ARFGAP2: variants seen among roughly 807,000 people sequenced by gnomAD.
The protein encoded by ARFGAP2 is ARF GTPase activating protein 2.
In ARFGAP2, 45 loss-of-function variants were observed where a neutral mutation model predicts 71.9. The ratio of observed to expected loss-of-function variants is 0.63; its 90% CI spans 0.49 to 0.80. The LOEUF (loss-of-function observed/expected upper bound fraction) is 0.80, where lower values mean the gene tolerates loss of function less well. Ranked by LOEUF, ARFGAP2 falls within the 30% of genes least tolerant of loss-of-function variation. The probability of loss-of-function intolerance (pLI) is 0.00; values close to 1 mark genes in which losing one functional copy is unlikely to be tolerated. For synonymous variants in ARFGAP2, 248 were observed against 249.2 expected, an observed-to-expected ratio of 1.00 and a Z score of 0.05; for missense variants, 633 against 673.9, an observed-to-expected ratio of 0.94 and a Z score of 0.67.
chr11:47,175,021 G>A lies in ARFGAP2; in HGVS notation c.474C>T (p.His158=), dbSNP rs771870829. The A allele has an allele frequency of 6.2e-7, 1 of 1,614,186 alleles. No homozygotes were observed. Among genetic ancestry groups the A allele is most frequent in the South Asian group, 1.1e-5 (1 of 91,086 alleles). ...GTTCCTTGTGGGCACTCACTTGAGT[G>A]TGTTCTGTGAAGAAATCAGAGTCCT... ...EKKDSDFFTE[H]TQPPAWDAPA... The change falls in exon 5 of 16, where the codon CAC becomes CAT. Residue 158 remains histidine (H), a synonymous_variant. Transcript: ENST00000524782.
chr11:47,168,499 G>A, intron 10 of ARFGAP2: 1 of 388,188 alleles, frequency 2.6e-6, no homozygotes, highest in Non-Finnish European at 4.6e-6. Flanking sequence ...CCTGGCCAGT[G>A]ACGGTTTGCC....
Position 47,175,891 on chromosome 11 carries a change from A to C in ARFGAP2, c.224T>G (p.Phe75Cys). The C allele has an allele frequency of 6.2e-7, 1 of 1,614,180 alleles. No individual in the cohort carries two copies. Among genetic ancestry groups the C allele is most frequent in the East Asian group, 2.2e-5 (1 of 44,880 alleles). The stretch of plus-strand genomic sequence containing the variant: ...GCCGACCTGCATACACCTCAGCTGG[A>C]ACCAGTTCCAGTTGGAATCCAACTC... ...STELDSNWNW[F>C]QLRCMQVGGN... The change falls in exon 3 of 16, where the codon TTC (phenylalanine) becomes TGC (cysteine). Residue 75 changes from phenylalanine (F) to cysteine (C), a missense_variant. Coordinates refer to ENST00000524782, the MANE Select transcript of ARFGAP2 (RefSeq NM_032389.6).
chr11:47,166,776 C>T lies in ARFGAP2; in HGVS notation c.1316G>A (p.Arg439Gln), dbSNP rs147349872. ...KAISSDMFFG[R>Q]EVDAEYEARS... Reference sequence around the variant, plus strand: ...CCCACTTACCTCTGCATCCACCTCCCGCCCAAAGAACATGTCAGATGAGAT... The same window carrying T: ...CCCACTTACCTCTGCATCCACCTCCTGCCCAAAGAACATGTCAGATGAGAT... The change falls in exon 13 of 16, where the codon CGG becomes CAG. Residue 439 changes from arginine (R) to glutamine (Q), a missense_variant. Arg to Gln is a conservative substitution (Grantham distance 43, BLOSUM62 1). Coordinates refer to ENST00000524782, the MANE Select transcript of ARFGAP2 (RefSeq NM_032389.6). The T allele has an allele frequency of 7.2e-5, 116 of 1,613,734 alleles. No homozygotes were observed. In the African/African-American group the frequency reaches 1.3e-3, roughly 19 times the overall value.
intron 2 of ARFGAP2, 38 bp downstream of exon 2, chr11:47,176,478 G>A (rs374028256): frequency 1.1e-5 from 18 of 1,587,306 alleles, no homozygotes; most frequent in African/African-American, 2.7e-5. Context: ...ACCCCTGGCC[G>A]GCCGGGTGGA....
At chr11:47,167,787 AAC>A in intron 12 of ARFGAP2, 120 bp downstream of exon 12, 1 of 1,277,190 alleles carries the variant, frequency 7.8e-7, no homozygotes, top group Non-Finnish European at 1.1e-6. Context: ...CATATTAAAC[AAC>A]ACAGAGAACA....
chr11:47,174,498 C>A (rs1952723109), intron 5 of ARFGAP2: 1 of 156,770 alleles, frequency 6.4e-6, no homozygotes, highest in African/African-American at 2.5e-5. Context: ...CGGGTTCACG[C>A]CATTCTCCTG....
At chr11:47,171,933 C>G (rs953737244) in intron 8 of ARFGAP2, 133 bp from the exon 9 acceptor site, 41 of 1,309,612 alleles carry the variant, frequency 3.1e-5, no homozygotes, top group Non-Finnish European at 3.9e-5. Flanking sequence ...GGAGCCCAAC[C>G]AGCATGGCCA....
In ARFGAP2 at chr11:47,167,909, CT is replaced by C; in HGVS notation, c.1204del (p.Arg402GlufsTer109). 1 of 1,603,766 alleles carries C rather than the reference CT, an allele frequency of 6.2e-7. No individual in the cohort carries two copies. Among genetic ancestry groups the C allele is most frequent in the African/African-American group, 1.3e-5 (1 of 74,454 alleles). ...TISSIRPISERATNRREVESR... is the reference protein window; with the variant it reads ...TISSIRPISEXATNRREVESR... ...AAAAAGAAAAAACAGCCCACTCTAC[CT>C]TTCTGAAATAGGCCGGATGCTTGAG... On this transcript the variant is annotated frameshift_variant and splice_region_variant, in exon 12 of 16. Coordinates refer to ENST00000524782, the MANE Select transcript of ARFGAP2 (RefSeq NM_032389.6). LOFTEE classifies it high-confidence loss of function.
intron 12 of ARFGAP2, 133 bp from the exon 13 acceptor site, chr11:47,167,019 G>T: frequency 8.3e-7 from 1 of 1,209,690 alleles, no homozygotes; most frequent in Non-Finnish European, 1.1e-6. Context: ...TGGCTCTGTG[G>T]CTCTGGGCCC....
intron 2 of ARFGAP2, 167 bp downstream of exon 2, chr11:47,176,349 A>G (rs969125702): frequency 1.5e-6 from 1 of 673,404 alleles, no homozygotes; most frequent in Non-Finnish European, 2.6e-6. Flanking sequence ...CATGTGCCAA[A>G]GGGCCCACAC....
chr11:47,165,553 G>A lies in ARFGAP2; in HGVS notation c.1546-51C>T, dbSNP rs1351285321. On this transcript the variant is annotated intron_variant, in intron 15 of 15. Coordinates refer to ENST00000524782, the MANE Select transcript of ARFGAP2 (RefSeq NM_032389.6). ...AAAAAAAAGTCAGAGGCTCTAAGCT[G>A]CAGCAGCTTCCCAGCAAACACACTG... 3 of 1,517,836 alleles carry A rather than the reference G, an allele frequency of 2.0e-6. No homozygotes were observed. The Admixed American group carries it at 6.2e-5, about 31-fold the overall frequency. The allele number at this position is 1,517,836 out of a possible 1,614,324, so 94.0% of individuals were successfully genotyped here.
chr11:47,175,784 A>C, intron 3 of ARFGAP2, 67 bp downstream of exon 3: 2 of 1,581,116 alleles, frequency 1.3e-6, no homozygotes, highest in African/African-American at 1.3e-5. Flanking sequence ...AGGGCCTCTT[A>C]GGGAGTCGTG....
chr11:47,175,890 G>A lies in ARFGAP2; in HGVS notation c.225C>T (p.Phe75=), dbSNP rs771530253. 6 of 1,614,152 alleles carry A rather than the reference G, an allele frequency of 3.7e-6. No individual in the cohort carries two copies. Among genetic ancestry groups the A allele is most frequent in the African/African-American group, 1.3e-5 (1 of 75,048 alleles). The change falls in exon 3 of 16, where the codon TTC becomes TTT. Residue 75 remains phenylalanine (F), a synonymous_variant. Coordinates refer to ENST00000524782, the MANE Select transcript of ARFGAP2 (RefSeq NM_032389.6). The part of the protein sequence containing the change: ...STELDSNWNW[F]QLRCMQVGGN... ...CGCCGACCTGCATACACCTCAGCTG[G>A]AACCAGTTCCAGTTGGAATCCAACT...
At chr11:47,171,931 A>G (rs1371386777) in intron 8 of ARFGAP2, 131 bp from the exon 9 acceptor site, 1 of 1,331,240 alleles carries the variant, frequency 7.5e-7, no homozygotes, top group South Asian at 1.4e-5. Flanking sequence ...CAGGAGCCCA[A>G]CCAGCATGGC....
chr11:47,176,516 C>G lies in ARFGAP2; in HGVS notation c.191G>C (p.Arg64Thr). The G allele has an allele frequency of 6.2e-7, 1 of 1,613,228 alleles. No homozygotes were observed. The highest frequency in any genetic ancestry group is 8.5e-7 in the Non-Finnish European group (1 of 1,179,904). The change falls in exon 2 of 16, where the codon AGG becomes ACG. Residue 64 changes from arginine (R) to threonine (T), a missense_variant and splice_region_variant. Physicochemically the swap from Arg to Thr is moderately conservative, Grantham distance 71 (BLOSUM62 -1). Coordinates refer to ENST00000524782, the MANE Select transcript of ARFGAP2 (RefSeq NM_032389.6). The stretch of plus-strand genomic sequence containing the variant: ...CACGGCAACCGCGCGGAGAGCCTAC[C>G]TGATGAAGCTCAGATGGACGCCCAG... ...RSLGVHLSFI[R>T]STELDSNWNW...
At chr11:47,171,110 T>C (rs1359754996) in intron 10 of ARFGAP2, among the ~76,000 whole-genome samples, 1 of 152,168 alleles carries the variant, frequency 6.6e-6, no homozygotes, top group East Asian at 1.9e-4. Context: ...TGCACCGCAA[T>C]TCTCAGGGAG....
chr11:47,167,352 G>A (rs770432499), intron 12 of ARFGAP2, among the ~76,000 whole-genome samples: 3 of 152,170 alleles, frequency 2.0e-5, no homozygotes, highest in African/African-American at 4.8e-5. Context: ...CTCATCTCAC[G>A]CTGAGTATGT....
rs192953593 is a variant in ARFGAP2 at position 47,167,689 on chromosome 11, G to A, written c.1205+220C>T. Among the ~76,000 whole-genome samples, 181 of 152,180 alleles carry A rather than the reference G, an allele frequency of 1.2e-3. 2 individuals are homozygous for A. The highest frequency in any genetic ancestry group is 9.1e-3 in the Admixed American group (139 of 15,290). The stretch of plus-strand genomic sequence containing the variant: ...GCACCAGCCACTGGTGGCTATTTAC[G>A]TTTATCAGAAATTAAACTACATCAG... On this transcript the variant is annotated intron_variant, in intron 12 of 15. Coordinates refer to ENST00000524782, the MANE Select transcript of ARFGAP2 (RefSeq NM_032389.6).
At chr11:47,172,388 G>C in intron 7 of ARFGAP2, 55 bp from the exon 8 acceptor site, 2 of 1,582,616 alleles carry the variant, frequency 1.3e-6, no homozygotes, top group Non-Finnish European at 1.7e-6. Flanking sequence ...AGAGGCAGTA[G>C]CTCAGTATAC....
Sources: allele counts gnomAD v4.1 joint callset (sites outside exome capture counted in the v4.1 genomes callset), GRCh38; gene constraint gnomAD v4.1.1; transcripts MANE v1.5; gene names NCBI Gene and HGNC (gene_info 2026-07-23, HGNC 2026-07-21).